Variants in PRKG1 observed in about 807,000 individuals in gnomAD.
PRKG1 encodes the protein protein kinase cGMP-dependent 1.
In PRKG1, 35 loss-of-function variants were observed where a neutral mutation model predicts 88.1. That is an observed-to-expected ratio of 0.40 (90% confidence interval 0.30 to 0.53). PRKG1 has a LOEUF of 0.53. Ranked by LOEUF, PRKG1 falls within the 20% of genes least tolerant of loss-of-function variation. The probability of loss-of-function intolerance (pLI) is 0.59; values close to 1 mark genes in which losing one functional copy is unlikely to be tolerated. For synonymous variants in PRKG1, 303 were observed against 292.5 expected, an observed-to-expected ratio of 1.04 and a Z score of -0.37; for missense variants, 540 against 839.8, an observed-to-expected ratio of 0.64 and a Z score of 4.41.
intron 3 of PRKG1, among the ~76,000 whole-genome samples, chr10:51,688,766 C>T (rs1434161972): frequency 1.3e-5 from 2 of 152,162 alleles, no homozygotes; most frequent in African/African-American, 2.4e-5. Flanking sequence ...AACTTTTTCA[C>T]ACTCATGCTA....
rs1163088866 is a variant in PRKG1, at chr10:50,991,285, G to T, written c.-94G>T. ...AGCGCCCATTCACTCGCTCACCCGC[G>T]CTCTCCGCTGCCGGCTGCCGTCCCA... On this transcript the variant is annotated 5_prime_UTR_variant, in exon 1 of 18. Transcript: ENST00000401604. The surrounding 1 kb of genome is among the most constrained non-coding windows in gnomAD (Gnocchi z 4.5). The T allele has an allele frequency of 2.1e-6, 3 of 1,447,404 alleles. No individual in the cohort carries two copies. The highest frequency in any genetic ancestry group is 2.7e-5 in the Admixed American group (1 of 36,378). The allele number at this position is 1,447,404 out of a possible 1,614,324, so 89.7% of individuals were successfully genotyped here. A position where few individuals can be genotyped will look rare whatever the true frequency, so the allele number is the denominator to read the frequency against.
intron 2 of PRKG1, among the ~76,000 whole-genome samples, chr10:51,405,845 A>G (rs533486558): frequency 9.2e-5 from 14 of 152,284 alleles, no homozygotes; most frequent in African/African-American, 3.4e-4. Context: ...AGCCGTAGGG[A>G]GATACGGCAA....
intron 1 of PRKG1, among the ~76,000 whole-genome samples, chr10:51,065,824 T>A (rs1843743418): frequency 6.6e-6 from 1 of 152,110 alleles, no homozygotes; most frequent in Admixed American, 6.6e-5. Flanking sequence ...GGGAGATGTA[T>A]CTATCTAACA....
chr10:51,543,421 G>A (rs1842364060), intron 3 of PRKG1, among the ~76,000 whole-genome samples: 1 of 152,162 alleles, frequency 6.6e-6, no homozygotes, highest in Admixed American at 6.6e-5. Flanking sequence ...TGAGGGTGAT[G>A]TTTGAAAACT....
intron 9 of PRKG1, among the ~76,000 whole-genome samples, chr10:52,179,915 C>A (rs953488275): frequency 1.3e-5 from 2 of 152,166 alleles, no homozygotes; most frequent in Non-Finnish European, 2.9e-5. Flanking sequence ...TCTCAAACTC[C>A]TGATTTCGTG....
intron 1 of PRKG1, among the ~76,000 whole-genome samples, chr10:51,149,720 C>T (rs1846020046): frequency 1.3e-5 from 2 of 152,024 alleles, no homozygotes; most frequent in African/African-American, 4.8e-5. Context: ...TGTGCTGGAG[C>T]CAACTTGCAC....
chr10:51,809,798 T>A (rs1461709243), intron 4 of PRKG1, among the ~76,000 whole-genome samples: 1 of 152,082 alleles, frequency 6.6e-6, no homozygotes, highest in Non-Finnish European at 1.5e-5. Context: ...TTCCATATCT[T>A]CCCATCACTC....
chr10:51,729,524 T>C lies in PRKG1; in HGVS notation c.593-75061T>C, dbSNP rs563100513. Among the ~76,000 whole-genome samples, 365 of 151,832 alleles carry C rather than the reference T, an allele frequency of 2.4e-3. 4 individuals carry two copies. The highest frequency in any genetic ancestry group is 8.5e-3 in the African/African-American group (351 of 41,396). On this transcript the variant is annotated intron_variant, in intron 3 of 17. Coordinates refer to ENST00000373980, the MANE Select transcript of PRKG1 (RefSeq NM_006258.4). ...GAGTTCGAGACCAGCCTGACCAACA[T>C]GGTGAAACCCTGTCTCTACTAAAAA...
intron 3 of PRKG1, among the ~76,000 whole-genome samples, chr10:51,642,615 A>G (rs1287026445): frequency 6.6e-6 from 1 of 152,176 alleles, no homozygotes; most frequent in Non-Finnish European, 1.5e-5. Flanking sequence ...GTCTCAGAAT[A>G]ATTCTAAGAC....
chr10:51,284,503 GTATTTCA>G (rs1476324595), intron 2 of PRKG1, among the ~76,000 whole-genome samples: 1 of 152,126 alleles, frequency 6.6e-6, no homozygotes, highest in Non-Finnish European at 1.5e-5. Context: ...TTTTGCAAAT[GTATTTCA>G]AGAAAATTCT....
chr10:51,989,228 GTAGGTGAAGC>G (rs1297593290), intron 5 of PRKG1, among the ~76,000 whole-genome samples: 1 of 152,084 alleles, frequency 6.6e-6, no homozygotes, highest in African/African-American at 2.4e-5. Context: ...GGAAAAGTAA[GTAGGTGAAGC>G]TAGATGGGTC....
chr10:52,105,940 C>G (rs972960751), intron 7 of PRKG1, among the ~76,000 whole-genome samples: 1 of 151,142 alleles, frequency 6.6e-6, no homozygotes, highest in Non-Finnish European at 1.5e-5. Context: ...TACACTGTAC[C>G]AAATGTGTAG....
At chr10:51,002,558 G>A (rs1795170850) in intron 1 of PRKG1, among the ~76,000 whole-genome samples, 1 of 152,166 alleles carries the variant, frequency 6.6e-6, no homozygotes, top group African/African-American at 2.4e-5. Flanking sequence ...ATACCACACA[G>A]GGTTACATTG....
intron 8 of PRKG1, among the ~76,000 whole-genome samples, chr10:52,139,558 A>G (rs1837518714): frequency 6.6e-6 from 1 of 152,146 alleles, no homozygotes. Flanking sequence ...TGGGATAGGA[A>G]GATCACACAG....
chr10:52,107,261 C>T (rs1263742275), intron 7 of PRKG1, among the ~76,000 whole-genome samples: 1 of 152,150 alleles, frequency 6.6e-6, no homozygotes, highest in African/African-American at 2.4e-5. Context: ...GGAAGGGTTA[C>T]CTCAAAAATC....
At chr10:51,654,641 C>T (rs1840118938) in intron 3 of PRKG1, among the ~76,000 whole-genome samples, 1 of 152,076 alleles carries the variant, frequency 6.6e-6, no homozygotes, top group Non-Finnish European at 1.5e-5. Context: ...TTCCTTGTGT[C>T]ATCTCTGTGA....
At chr10:51,059,776 A>G (rs1843673628) in intron 1 of PRKG1, among the ~76,000 whole-genome samples, 1 of 152,146 alleles carries the variant, frequency 6.6e-6, no homozygotes, top group African/African-American at 2.4e-5. Flanking sequence ...CTAGAAAATT[A>G]TGTGTTTTGC....
intron 3 of PRKG1, among the ~76,000 whole-genome samples, chr10:51,496,685 G>A (rs1840867617): frequency 6.6e-6 from 1 of 152,056 alleles, no homozygotes. Flanking sequence ...CATCCAAATG[G>A]TCTATTTTCT....
At chr10:51,759,463 C>T (rs1056249130) in intron 3 of PRKG1, among the ~76,000 whole-genome samples, 4 of 152,118 alleles carry the variant, frequency 2.6e-5, no homozygotes, top group Non-Finnish European at 5.9e-5. Flanking sequence ...GATGGGGTTT[C>T]ACCATGTTGG....
Sources: allele counts gnomAD v4.1 joint callset (sites outside exome capture counted in the v4.1 genomes callset), GRCh38; gene constraint gnomAD v4.1.1; non-coding constraint Gnocchi (gnomAD v3.1); transcripts MANE v1.5; gene names NCBI Gene and HGNC (gene_info 2026-07-23, HGNC 2026-07-21).